Variants in PLXNC1 observed in about 807,000 individuals in gnomAD.
The protein encoded by PLXNC1 is plexin-C1.
A neutral mutation model predicts 178.2 loss-of-function variants in PLXNC1; 75 were observed. The ratio of observed to expected loss-of-function variants is 0.42; its 90% CI spans 0.35 to 0.51. The LOEUF (loss-of-function observed/expected upper bound fraction) is 0.51. PLXNC1 is among the 20% of genes least tolerant of loss of function. PLXNC1 has a pLI of 0.02. For synonymous variants in PLXNC1, 790 were observed against 779.9 expected (o/e 1.01, Z -0.22); for missense variants, 1,503 against 1,984.4 (o/e 0.76, Z 4.61).
chr12:94,251,303 C>T (rs934418064), intron 14 of PLXNC1, 123 bp from the exon 15 acceptor site: 12 of 641,270 alleles, frequency 1.9e-5, no homozygotes, highest in Non-Finnish European at 3.4e-5. Context: ...GAGAGTTGAA[C>T]TCAGATATCC....
chr12:94,149,365 G>A lies in PLXNC1; in HGVS notation c.394G>A (p.Gly132Ser). Reference sequence around the variant, plus strand: ...GCTCACCGGCTGGACCTTCGACCGGGGCGCCTGCGAGGTGCGGCCCCTGGG... The same window carrying A: ...GCTCACCGGCTGGACCTTCGACCGGAGCGCCTGCGAGGTGCGGCCCCTGGG... The part of the protein sequence containing the change: ...LLLTGWTFDR[G>S]ACEVRPLGNL... The change falls in exon 1 of 31, where the codon GGC (glycine) becomes AGC (serine). Residue 132 changes from glycine to serine, a missense_variant. Physicochemically the swap from Gly to Ser is moderately conservative, Grantham distance 56 (BLOSUM62 0). This residue lies in a region of PLXNC1 where 73 missense variants were observed against 125.4 expected (regional missense o/e 0.58). Coordinates refer to ENST00000258526, the MANE Select transcript of PLXNC1 (RefSeq NM_005761.3). 7.0e-7 allele frequency: 1 copy of A among 1,425,808 alleles called. No individual in the cohort carries two copies. The highest frequency in any genetic ancestry group is 9.1e-7 in the Non-Finnish European group (1 of 1,100,064). 88.3% of individuals were successfully genotyped at this position (1,425,808 alleles called of 1,614,324 possible).
At chr12:94,243,833 A>G in intron 11 of PLXNC1, 105 bp from the exon 12 acceptor site, 1 of 517,580 alleles carries the variant, frequency 1.9e-6, no homozygotes, top group South Asian at 3.6e-5. Flanking sequence ...CTCAAACATA[A>G]TTGGGTTTAA....
At chr12:94,222,733 C>G (rs146450040) in intron 6 of PLXNC1, among the ~76,000 whole-genome samples, 8 of 152,112 alleles carry the variant, frequency 5.3e-5, no homozygotes, top group African/African-American at 1.7e-4. Flanking sequence ...AAAAGTATGA[C>G]TTTTGCAGTC....
At position 94,259,629 on chromosome 12, in the gene PLXNC1, A is replaced by G. The variant is rs1465786571; in HGVS notation, c.3146A>G (p.Lys1049Arg). 4.4e-6 allele frequency: 7 copies of G among 1,607,948 alleles called. No individual in the cohort carries two copies. Among genetic ancestry groups the G allele is most frequent in the Middle Eastern group, 1.7e-4 (1 of 6,036 alleles). The change falls in exon 19 of 31, where the codon AAG (lysine) becomes AGG (arginine). Residue 1049 changes from lysine (K) to arginine (R), a missense_variant. Lys to Arg is a conservative substitution (Grantham distance 26). Around this residue, in one of 4 missense-constraint regions of PLXNC1, gnomAD observed 639 missense variants for 979.7 expected, o/e 0.65. Coordinates refer to ENST00000258526, the MANE Select transcript of PLXNC1 (RefSeq NM_005761.3). ...TATCAGAACAGAGACGCCAACGACA[A>G]GAATGAAAGTCTCACAGCTTTGGAT... ...EDMHNRDAND[K>R]NESLTALDAL...
In PLXNC1 at chr12:94,214,964, A is replaced by G. The variant is rs11107454; in HGVS notation, c.1555-5052A>G. ...CAGGCTGGAGTGCTGTGGCGCGATC[A>G]TGGTTCACTGCAACCTCTGCCTCCC... On this transcript the variant is annotated intron_variant, in intron 5 of 30. Transcript: ENST00000258526. Among the ~76,000 whole-genome samples the G allele has an allele frequency of 8.8e-3, 1,345 of 152,012 alleles. 15 individuals carry two copies. Among genetic ancestry groups the G allele is most frequent in the African/African-American group, 0.026 (1,073 of 41,450 alleles).
intron 1 of PLXNC1, among the ~76,000 whole-genome samples, chr12:94,156,504 G>T (rs1410513868): frequency 1.3e-5 from 2 of 149,324 alleles, no homozygotes; most frequent in African/African-American, 4.9e-5. Context: ...TTGAAACAGG[G>T]TCTCATTCTG....
intron 1 of PLXNC1, among the ~76,000 whole-genome samples, chr12:94,167,169 T>G (rs1378557106): frequency 6.6e-6 from 1 of 152,172 alleles, no homozygotes; most frequent in Non-Finnish European, 1.5e-5. Flanking sequence ...GCTGCCTCTG[T>G]TTTCTTGGAT....
chr12:94,184,088 T>C (rs1029897219), intron 3 of PLXNC1, among the ~76,000 whole-genome samples: 1 of 151,384 alleles, frequency 6.6e-6, no homozygotes, highest in Non-Finnish European at 1.5e-5. Context: ...AGAGGGCAGG[T>C]CTAATGTAGT....
chr12:94,215,999 C>T (rs1963635555), intron 5 of PLXNC1, among the ~76,000 whole-genome samples: 1 of 152,158 alleles, frequency 6.6e-6, no homozygotes. Context: ...GGCATGGTGG[C>T]TCATGCCTGT....
intron 3 of PLXNC1, among the ~76,000 whole-genome samples, chr12:94,182,859 GTATC>G (rs59933010): frequency 0.059 from 8,478 of 143,906 alleles, 293 homozygotes; most frequent in African/African-American, 0.076. Context: ...AAGAATATCT[GTATC>G]TATCTATCTA....
intron 4 of PLXNC1, among the ~76,000 whole-genome samples, chr12:94,188,182 C>T (rs1040011631): frequency 1.4e-4 from 21 of 151,658 alleles, no homozygotes; most frequent in African/African-American, 3.6e-4. Context: ...TTAGGAGTGG[C>T]GCTAAATCCA....
intron 12 of PLXNC1, among the ~76,000 whole-genome samples, chr12:94,245,746 T>G (rs932817882): frequency 6.6e-6 from 1 of 152,174 alleles, no homozygotes; most frequent in African/African-American, 2.4e-5. Context: ...AGGCCCGTGC[T>G]GGGAACATCA....
chr12:94,271,607 C>T (rs1965576079), intron 21 of PLXNC1, among the ~76,000 whole-genome samples: 1 of 152,238 alleles, frequency 6.6e-6, no homozygotes, highest in Non-Finnish European at 1.5e-5. Context: ...GTCTCTCAAC[C>T]TCTCAAAACC....
chr12:94,270,149 C>A (rs73228167), intron 21 of PLXNC1, among the ~76,000 whole-genome samples: 1 of 152,140 alleles, frequency 6.6e-6, no homozygotes, highest in African/African-American at 2.4e-5. Context: ...AGATAGAAAG[C>A]ATTTTCCAGA....
chr12:94,274,190 T>C (rs1965774304), intron 21 of PLXNC1, among the ~76,000 whole-genome samples: 2 of 123,138 alleles, frequency 1.6e-5, no homozygotes, highest in Non-Finnish European at 3.2e-5. Flanking sequence ...AAAAAAAATT[T>C]AGCCAAGCAT....
chr12:94,261,553 A>T (rs1439560854), intron 20 of PLXNC1, among the ~76,000 whole-genome samples: 1 of 152,210 alleles, frequency 6.6e-6, no homozygotes, highest in Non-Finnish European at 1.5e-5. Flanking sequence ...AAGCCTCCAT[A>T]AATGTTGGCC....
At chr12:94,217,060 C>T (rs1490854469) in intron 5 of PLXNC1, among the ~76,000 whole-genome samples, 1 of 152,198 alleles carries the variant, frequency 6.6e-6, no homozygotes, top group Non-Finnish European at 1.5e-5. Flanking sequence ...CATGCTGTCT[C>T]CTCTTTTCAG....
chr12:94,260,675 G>GCAAAC lies in PLXNC1; in HGVS notation c.3289_3293dup (p.Leu1099ProfsTer6). The GCAAAC allele has an allele frequency of 1.9e-6, 3 of 1,613,798 alleles. No homozygotes were observed. The highest frequency in any genetic ancestry group is 2.5e-6 in the Non-Finnish European group (3 of 1,179,930). The stretch of plus-strand genomic sequence containing the variant: ...TTGCCTCCTTCCTAACCATTGCACT[G>GCAAAC]CAAACCAAGCTGGTCTACCTGACCA... On this transcript the variant is annotated frameshift_variant, in exon 20 of 31. Coordinates refer to ENST00000258526, the MANE Select transcript of PLXNC1 (RefSeq NM_005761.3). LOFTEE classifies it high-confidence loss of function. The surrounding 1 kb of genome is among the most constrained non-coding windows in gnomAD (Gnocchi z 4.4).
At chr12:94,301,546 T>TC (rs1968467276) in intron 28 of PLXNC1, among the ~76,000 whole-genome samples, 1 of 152,200 alleles carries the variant, frequency 6.6e-6, no homozygotes, top group Admixed American at 6.5e-5. Flanking sequence ...TCTTTGCTGA[T>TC]CAATAGTCCC....
Sources: allele counts gnomAD v4.1 joint callset (sites outside exome capture counted in the v4.1 genomes callset), GRCh38; gene constraint gnomAD v4.1.1; regional missense constraint gnomAD v4.1.1; non-coding constraint Gnocchi (gnomAD v3.1); transcripts MANE v1.5; gene names NCBI Gene and HGNC (gene_info 2026-07-23, HGNC 2026-07-21).